Variants in FHIP1A observed in about 807,000 individuals in gnomAD.
FHIP1A encodes FHF complex subunit HOOK interacting protein 1A.
A neutral mutation model predicts 88.6 loss-of-function variants in FHIP1A; 61 were observed. The ratio of observed to expected loss-of-function variants is 0.69; its 90% CI spans 0.56 to 0.85. FHIP1A has a LOEUF of 0.85. Ranked by LOEUF, FHIP1A falls within the 40% of genes least tolerant of loss-of-function variation. The pLI, the probability that FHIP1A is intolerant of heterozygous loss-of-function variation, is 0.00. For synonymous variants in FHIP1A, 478 were observed against 496.0 expected, an observed-to-expected ratio of 0.96 and a Z score of 0.48; for missense variants, 1,154 against 1,273.5, an observed-to-expected ratio of 0.91 and a Z score of 1.43.
intron 3 of FHIP1A, among the ~76,000 whole-genome samples, chr4:151,519,379 A>G (rs1241216439): frequency 1.3e-5 from 2 of 152,112 alleles, no homozygotes; most frequent in Admixed American, 6.6e-5. Flanking sequence ...ACTCATCATA[A>G]TGTTTTTGAG....
rs369494850 is a variant in FHIP1A, at chr4:151,430,399, A to G, written c.-356+20934A>G. ...TGAAAGATCACAGAACTGGGACCAC[A>G]TTCTTTCATTGAAAAGCATCAGGGA... On this transcript the variant is annotated intron_variant, in intron 1 of 13. Coordinates refer to ENST00000435205, the MANE Select transcript of FHIP1A (RefSeq NM_001109977.3). 1.6e-4 allele frequency among the ~76,000 whole-genome samples: 25 copies of G among 152,372 alleles called. No individual in the cohort carries two copies. The South Asian group carries it at 3.1e-3, about 19-fold the overall frequency.
chr4:151,635,314 G>A (rs1478532159), intron 8 of FHIP1A, among the ~76,000 whole-genome samples: 5 of 151,834 alleles, frequency 3.3e-5, no homozygotes, highest in Non-Finnish European at 5.9e-5. Flanking sequence ...AAACAGCATG[G>A]AGGTTTCCCA....
At chr4:151,533,550 C>G (rs951511476) in intron 3 of FHIP1A, among the ~76,000 whole-genome samples, 7 of 152,208 alleles carry the variant, frequency 4.6e-5, no homozygotes, top group Non-Finnish European at 1.0e-4. Flanking sequence ...GCCTATAGAA[C>G]TGTTTACCAA....
At chr4:151,437,451 T>C (rs1379219524) in intron 1 of FHIP1A, among the ~76,000 whole-genome samples, 1 of 152,108 alleles carries the variant, frequency 6.6e-6, no homozygotes, top group Non-Finnish European at 1.5e-5. Context: ...TCTCCCACCA[T>C]TGCTCCAGGA....
intron 3 of FHIP1A, among the ~76,000 whole-genome samples, chr4:151,505,184 T>C (rs1020686756): frequency 6.6e-6 from 1 of 152,198 alleles, no homozygotes; most frequent in African/African-American, 2.4e-5. Context: ...GGGTTCTTAC[T>C]TGTCTAATGA....
intron 3 of FHIP1A, among the ~76,000 whole-genome samples, chr4:151,509,759 T>TTGTGTGTG (rs113966280): frequency 0.02 from 2,875 of 147,114 alleles, 92 homozygotes; most frequent in African/African-American, 0.068. Flanking sequence ...GTCTCTATGT[T>TTGTGTGTG]TGTGTGTGTG....
chr4:151,652,687 CT>C (rs757124584), intron 11 of FHIP1A, among the ~76,000 whole-genome samples: 2 of 152,128 alleles, frequency 1.3e-5, no homozygotes, highest in Non-Finnish European at 2.9e-5. Flanking sequence ...TGGGAATGGC[CT>C]CACAGAGGAG....
At chr4:151,486,817 A>T (rs1406715367) in intron 3 of FHIP1A, among the ~76,000 whole-genome samples, 1 of 151,924 alleles carries the variant, frequency 6.6e-6, no homozygotes, top group African/African-American at 2.4e-5. Flanking sequence ...AAATACAAAA[A>T]TTAGCCGGGT....
intron 1 of FHIP1A, among the ~76,000 whole-genome samples, chr4:151,451,625 A>G (rs547206407): frequency 6.6e-6 from 1 of 152,262 alleles, no homozygotes; most frequent in East Asian, 1.9e-4. Flanking sequence ...TAAGAGGTCA[A>G]TTTCTTCCTA....
chr4:151,518,750 C>A (rs982035158), intron 3 of FHIP1A, among the ~76,000 whole-genome samples: 2 of 149,064 alleles, frequency 1.3e-5, no homozygotes, highest in Admixed American at 6.8e-5. Flanking sequence ...ACCTTGAACT[C>A]CTGAGCTCAA....
chr4:151,632,501 C>T (rs1449970730), intron 8 of FHIP1A, among the ~76,000 whole-genome samples: 1 of 151,848 alleles, frequency 6.6e-6, no homozygotes, highest in Non-Finnish European at 1.5e-5. Flanking sequence ...AGACATATAC[C>T]AAATACTCCA....
intron 2 of FHIP1A, among the ~76,000 whole-genome samples, chr4:151,471,569 C>G (rs1169919738): frequency 3.3e-5 from 5 of 152,012 alleles, no homozygotes; most frequent in African/African-American, 1.2e-4. Flanking sequence ...GTTTGTTAGT[C>G]CAAATGAGTG....
chr4:151,559,423 C>T (rs1437459338), intron 3 of FHIP1A, among the ~76,000 whole-genome samples: 3 of 152,182 alleles, frequency 2.0e-5, no homozygotes, highest in African/African-American at 7.2e-5. Flanking sequence ...CCCCAGCCCC[C>T]ACTGCCCTGT....
chr4:151,618,835 T>G (rs904132654), intron 7 of FHIP1A, among the ~76,000 whole-genome samples: 3 of 152,244 alleles, frequency 2.0e-5, no homozygotes, highest in African/African-American at 7.2e-5. Context: ...CAGACCATTT[T>G]CTACTACTCC....
intron 3 of FHIP1A, among the ~76,000 whole-genome samples, chr4:151,492,636 C>A (rs1183134785): frequency 1.3e-5 from 2 of 151,452 alleles, no homozygotes; most frequent in Non-Finnish European, 2.9e-5. Flanking sequence ...AAGTACTCCT[C>A]TCTCAGACCA....
chr4:151,591,325 C>T (rs1274979088), intron 7 of FHIP1A, among the ~76,000 whole-genome samples: 1 of 152,060 alleles, frequency 6.6e-6, no homozygotes, highest in African/African-American at 2.4e-5. Flanking sequence ...GTATTTCCCC[C>T]TTTGGTATGG....
intron 8 of FHIP1A, among the ~76,000 whole-genome samples, chr4:151,634,325 G>A (rs902546433): frequency 2.0e-5 from 3 of 151,622 alleles, no homozygotes; most frequent in African/African-American, 4.8e-5. Context: ...CATTAAAATG[G>A]CCATATTACT....
chr4:151,453,101 C>T (rs1728851346), intron 1 of FHIP1A, among the ~76,000 whole-genome samples: 1 of 151,790 alleles, frequency 6.6e-6, no homozygotes, highest in Admixed American at 6.6e-5. Flanking sequence ...ACTGCAACCT[C>T]CACCTCCTGG....
At chr4:151,517,470 A>G (rs924840565) in intron 3 of FHIP1A, among the ~76,000 whole-genome samples, 1 of 152,230 alleles carries the variant, frequency 6.6e-6, no homozygotes, top group South Asian at 2.1e-4. Context: ...TGATAAATTT[A>G]AAAAAATATA....
Sources: allele counts gnomAD v4.1 joint callset (sites outside exome capture counted in the v4.1 genomes callset), GRCh38; gene constraint gnomAD v4.1.1; transcripts MANE v1.5; gene names NCBI Gene and HGNC (gene_info 2026-07-23, HGNC 2026-07-21).